Variants in RIC1 observed in about 807,000 individuals in gnomAD.
The protein encoded by RIC1 is guanine nucleotide exchange factor subunit RIC1.
A neutral mutation model predicts 169.0 loss-of-function variants in RIC1; 88 were observed. That is an observed-to-expected ratio of 0.52 (90% CI 0.44 to 0.62). The LOEUF (loss-of-function observed/expected upper bound fraction) is 0.62. Ranked by LOEUF, RIC1 falls within the 20% of genes least tolerant of loss-of-function variation. The probability of loss-of-function intolerance (pLI) is 0.00; values close to 1 mark genes in which losing one functional copy is unlikely to be tolerated. For missense variants in RIC1, 1,877 were observed against 1,725.5 expected (o/e 1.09, Z -1.56); for synonymous variants, 790 against 601.5 (o/e 1.31, Z -4.59).
At chr9:5,639,854 G>T (rs1818153264) in intron 1 of RIC1, among the ~76,000 whole-genome samples, 2 of 152,092 alleles carry the variant, frequency 1.3e-5, no homozygotes, top group South Asian at 4.1e-4. Context: ...CACAATTTTT[G>T]TCTTGAAATC....
chr9:5,682,523 G>C (rs915477298), intron 2 of RIC1, among the ~76,000 whole-genome samples: 1 of 152,158 alleles, frequency 6.6e-6, no homozygotes, highest in South Asian at 2.1e-4. Context: ...TCTGCCAAGA[G>C]ATCGGCTGTT....
chr9:5,721,948 GCACGATCTCGGCT>G (rs1233752049), intron 6 of RIC1, among the ~76,000 whole-genome samples: 3 of 151,076 alleles, frequency 2.0e-5, no homozygotes, highest in Non-Finnish European at 4.4e-5. Context: ...GAGTGCAGTG[GCACGATCTCGGCT>G]CACCACAACC....
At chr9:5,714,335 T>G (rs1265331176) in intron 4 of RIC1, among the ~76,000 whole-genome samples, 2 of 152,166 alleles carry the variant, frequency 1.3e-5, no homozygotes, top group Admixed American at 1.3e-4. Context: ...AAAGAGAAAG[T>G]GCCTTTGTTT....
chr9:5,741,819 G>T (rs543779888), intron 8 of RIC1, among the ~76,000 whole-genome samples: 1 of 152,130 alleles, frequency 6.6e-6, no homozygotes, highest in East Asian at 1.9e-4. Flanking sequence ...GTTTGTGTGT[G>T]TATTTTAGGA....
At chr9:5,736,588 A>G (rs1824719396) in intron 7 of RIC1, among the ~76,000 whole-genome samples, 1 of 152,202 alleles carries the variant, frequency 6.6e-6, no homozygotes, top group Non-Finnish European at 1.5e-5. Context: ...TAGACACCAA[A>G]GAGGTGGCAC....
intron 3 of RIC1, among the ~76,000 whole-genome samples, chr9:5,702,039 G>T (rs1295949247): frequency 6.6e-6 from 1 of 152,140 alleles, no homozygotes; most frequent in Non-Finnish European, 1.5e-5. Flanking sequence ...GTTGGTTTTG[G>T]GCTATATACA....
At chr9:5,673,715 C>G (rs1324713893) in intron 2 of RIC1, among the ~76,000 whole-genome samples, 1 of 151,296 alleles carries the variant, frequency 6.6e-6, no homozygotes, top group Non-Finnish European at 1.5e-5. Flanking sequence ...TCAGAAAACA[C>G]TAAGTGAAAA....
At chr9:5,730,892 C>G (rs1437758636) in intron 6 of RIC1, among the ~76,000 whole-genome samples, 1 of 152,130 alleles carries the variant, frequency 6.6e-6, no homozygotes. Flanking sequence ...ACATATACTA[C>G]TTTCCTTTCA....
chr9:5,648,501 C>G (rs1209702660), intron 1 of RIC1, among the ~76,000 whole-genome samples: 1 of 152,102 alleles, frequency 6.6e-6, no homozygotes, highest in Non-Finnish European at 1.5e-5. Context: ...GCAAATATCC[C>G]TTTGATGTAT....
In RIC1 at chr9:5,774,330, C is replaced by G; in HGVS notation, c.*84C>G. ...GTTGTAACATAGTTGGATGATTTAA[C>G]AGGAGAACTCAGTTCAGAGACTCTT... On this transcript the variant is annotated 3_prime_UTR_variant, in exon 26 of 26. Transcript: ENST00000414202. The G allele has an allele frequency of 8.6e-7, 1 of 1,165,054 alleles. No individual in the cohort carries two copies. The allele number at this position is 1,165,054 out of a possible 1,614,324, so 72.2% of individuals were successfully genotyped here.
chr9:5,728,081 G>C (rs376851160), intron 6 of RIC1, among the ~76,000 whole-genome samples: 1 of 152,182 alleles, frequency 6.6e-6, no homozygotes, highest in Non-Finnish European at 1.5e-5. Context: ...TGTTAGACAG[G>C]GACATTTACG....
In RIC1 at chr9:5,644,064, G is replaced by T. The variant is rs1818383059; in HGVS notation, c.145-12519G>T. ...TATTGTAGATAATACTGTAGAATTT[G>T]CTATGGTTTAAATTTTTAAGAGCTT... is the stretch of plus-strand genomic sequence containing the variant. On this transcript the variant is annotated intron_variant, in intron 1 of 25. Transcript: ENST00000414202. Among the ~76,000 whole-genome samples the T allele has an allele frequency of 3.6e-5, 5 of 138,842 alleles. No individual in the cohort carries two copies. In the South Asian group the frequency reaches 1.3e-3, roughly 35 times the overall value. The allele number at this position is 138,842 out of a possible 152,430, so 91.1% of individuals were successfully genotyped here. A position where few individuals can be genotyped will look rare whatever the true frequency, so the allele number is the denominator to read the frequency against.
intron 2 of RIC1, among the ~76,000 whole-genome samples, chr9:5,665,662 G>C (rs1369915131): frequency 1.3e-5 from 2 of 152,060 alleles, no homozygotes; most frequent in African/African-American, 4.8e-5. Context: ...TTTTCTGTTT[G>C]TTTTTCTTTT....
At chr9:5,661,783 T>C (rs573968109) in intron 2 of RIC1, among the ~76,000 whole-genome samples, 1 of 152,294 alleles carries the variant, frequency 6.6e-6, no homozygotes, top group East Asian at 1.9e-4. Flanking sequence ...CAAACAAAGA[T>C]AGTTTAATTT....
At position 5,742,962 on chromosome 9, in the gene RIC1, T is replaced by C. The variant is rs1825168067; in HGVS notation, c.995T>C (p.Leu332Ser). The change falls in exon 9 of 26, where the codon TTA (leucine) becomes TCA (serine). Residue 332 changes from leucine (L) to serine (S), a missense_variant. Leu to Ser is a moderately radical substitution (Grantham distance 145). Around this residue, in one of 3 missense-constraint regions of RIC1, gnomAD observed 1,104 missense variants for 992.0 expected, o/e 1.11. Coordinates refer to ENST00000414202, the MANE Select transcript of RIC1 (RefSeq NM_020829.4). The stretch of plus-strand genomic sequence containing the variant: ...ACCTGGGAATACGGAGGCCTTTCTT[T>C]ATGGAGTGTTTTTGGAGCACAGCTG... Reference protein sequence around the residue: ...IVTWEYGGLSLWSVFGAQLIC... With the variant: ...IVTWEYGGLSSWSVFGAQLIC... 1.2e-6 allele frequency: 2 copies of C among 1,613,450 alleles called. No individual in the cohort carries two copies. The highest frequency in any genetic ancestry group is 1.3e-5 in the African/African-American group (1 of 74,872).
chr9:5,684,540 A>G lies in RIC1; in HGVS notation c.253-5419A>G, dbSNP rs527989264. On this transcript the variant is annotated intron_variant, in intron 2 of 25. Transcript: ENST00000414202. ...ATGTTACTGATTTTTTTCATTTTCT[A>G]ATTGTTCTTATTAGTATGTAAAAAT... Among the ~76,000 whole-genome samples, 270 of 151,924 alleles carry G rather than the reference A, an allele frequency of 1.8e-3. 2 individuals are homozygous for G. The highest frequency in any genetic ancestry group is 0.01 in the South Asian group (50 of 4,812).
intron 2 of RIC1, among the ~76,000 whole-genome samples, chr9:5,675,715 T>A (rs1001498816): frequency 3.3e-5 from 5 of 152,146 alleles, no homozygotes; most frequent in Non-Finnish European, 7.4e-5. Context: ...AAAATGTACA[T>A]ACAAAATGGC....
intron 2 of RIC1, among the ~76,000 whole-genome samples, chr9:5,665,432 A>G (rs1013442531): frequency 4.6e-5 from 7 of 152,152 alleles, no homozygotes; most frequent in Admixed American, 4.6e-4. Flanking sequence ...TCCAAAGCCT[A>G]CTTCTGTCAT....
rs1826692801 is a variant in RIC1, at chr9:5,765,802, A to C, written c.3137+4A>C. 1 of 1,613,934 alleles carries C rather than the reference A, an allele frequency of 6.2e-7. No individual in the cohort carries two copies. Among genetic ancestry groups the C allele is most frequent in the Non-Finnish European group, 8.5e-7 (1 of 1,179,918 alleles). On this transcript the variant is annotated splice_donor_region_variant and intron_variant, in intron 21 of 25. Transcript: ENST00000414202. ...CATCTGGTCCCTCTGGAAAAAGGTA[A>C]AATAATAAAGAGCCATTACTGCTTT...
Sources: gnomAD v4.1 joint callset for allele counts (sites outside exome capture counted in the v4.1 genomes callset) on GRCh38, gnomAD v4.1.1 for gene constraint, gnomAD v4.1.1 regional missense constraint, MANE v1.5 for transcripts, NCBI Gene and HGNC (gene_info 2026-07-23, HGNC 2026-07-21) for gene names.